The following STX18 variants were observed in gnomAD, a reference collection of about 807,000 sequenced individuals.
STX18 encodes the protein syntaxin 18, also known as syntaxin-18.
In STX18, 40 loss-of-function variants were observed where a neutral mutation model predicts 50.1. That is an observed-to-expected ratio of 0.80 (90% CI 0.62 to 1.04). The LOEUF is 1.04. STX18 is among the 50% of genes least tolerant of loss of function. The probability of loss-of-function intolerance (pLI) is 0.00; values close to 1 mark genes in which losing one functional copy is unlikely to be tolerated. For synonymous variants in STX18, 158 were observed against 151.8 expected (o/e 1.04, Z -0.30); for missense variants, 410 against 415.8 (o/e 0.99, Z 0.12).
chr4:4,479,811 A>G (rs1030232272), intron 1 of STX18, among the ~76,000 whole-genome samples: 27 of 152,326 alleles, frequency 1.8e-4, no homozygotes, highest in South Asian at 6.2e-4. Context: ...ACTCTCTTAC[A>G]TTATCTGCTC....
chr4:4,493,377 C>T (rs1041570165), intron 1 of STX18, among the ~76,000 whole-genome samples: 4 of 147,962 alleles, frequency 2.7e-5, no homozygotes, highest in Admixed American at 1.4e-4. Flanking sequence ...TCGTGGTACA[C>T]GTAATGAGTT....
At chr4:4,501,425 CA>C (rs1729455914) in intron 1 of STX18, among the ~76,000 whole-genome samples, 1 of 152,144 alleles carries the variant, frequency 6.6e-6, no homozygotes, top group African/African-American at 2.4e-5. Context: ...AAACAGTAAA[CA>C]ACATGATTAT....
intron 1 of STX18, among the ~76,000 whole-genome samples, chr4:4,501,247 A>C (rs1198620381): frequency 6.6e-6 from 1 of 152,124 alleles, no homozygotes; most frequent in Non-Finnish European, 1.5e-5. Context: ...AGGAGTTACA[A>C]AGTTAAAAGT....
intron 1 of STX18, among the ~76,000 whole-genome samples, chr4:4,485,936 G>GA (rs1168072936): frequency 1.3e-5 from 2 of 152,152 alleles, no homozygotes; most frequent in African/African-American, 4.8e-5. Context: ...GCTTATACTA[G>GA]AATTCCATGA....
intron 1 of STX18, among the ~76,000 whole-genome samples, chr4:4,527,867 C>CACACAT (rs372566368): frequency 8.0e-5 from 11 of 137,208 alleles, no homozygotes; most frequent in African/African-American, 2.6e-4. Context: ...CACACACACA[C>CACACAT]ATATATATAT....
chr4:4,448,256 G>T (rs1271988018), intron 5 of STX18, among the ~76,000 whole-genome samples: 1 of 152,164 alleles, frequency 6.6e-6, no homozygotes, highest in Admixed American at 6.5e-5. Context: ...CCTTGAAAAA[G>T]ACACATTTAC....
chr4:4,498,266 CA>C (rs1577376595), intron 1 of STX18, among the ~76,000 whole-genome samples: 2 of 151,682 alleles, frequency 1.3e-5, no homozygotes, highest in East Asian at 3.8e-4. Flanking sequence ...GCACTCCCAG[CA>C]AAAAGAAGCA....
intron 1 of STX18, among the ~76,000 whole-genome samples, chr4:4,483,497 C>A (rs1728555504): frequency 6.6e-6 from 1 of 152,226 alleles, no homozygotes; most frequent in Non-Finnish European, 1.5e-5. Flanking sequence ...TAAACATCTT[C>A]ATTCCCATTC....
chr4:4,523,782 C>T (rs6817718), intron 1 of STX18, among the ~76,000 whole-genome samples: 28,506 of 152,124 alleles, frequency 0.19, 2,781 homozygotes, highest in African/African-American at 0.24. Flanking sequence ...AATGATCTTT[C>T]TCAAATACAT....
chr4:4,466,372 G>C (rs1727622528), intron 2 of STX18, among the ~76,000 whole-genome samples: 1 of 152,194 alleles, frequency 6.6e-6, no homozygotes, highest in African/African-American at 2.4e-5. Flanking sequence ...AAAGGGGTAG[G>C]ATGGAAAAGT....
chr4:4,542,292 G>C (rs145675670), upstream of STX18: 45 of 240,872 alleles, frequency 1.9e-4, no homozygotes, highest in Middle Eastern at 5.1e-3. Flanking sequence ...CCGGGAGCGT[G>C]AGGACCGGGA....
At chr4:4,476,153 G>GA (rs1270377179) in intron 1 of STX18, 11 of 152,136 alleles carry the variant, frequency 7.2e-5, no homozygotes, top group African/African-American at 2.7e-4. Flanking sequence ...GTCTATCATG[G>GA]AAAAGAGTTT....
At chr4:4,491,983 T>C (rs1173992372) in intron 1 of STX18, among the ~76,000 whole-genome samples, 1 of 152,178 alleles carries the variant, frequency 6.6e-6, no homozygotes, top group East Asian at 1.9e-4. Flanking sequence ...TGAGGTCTAT[T>C]TCCTGTAATT....
chr4:4,528,807 G>A (rs1730938369), intron 1 of STX18, among the ~76,000 whole-genome samples: 1 of 152,130 alleles, frequency 6.6e-6, no homozygotes, highest in Non-Finnish European at 1.5e-5. Context: ...CCAATGCAGT[G>A]GTTAAAAAGC....
At chr4:4,476,998 AAGACC>A (rs1428468655) in intron 1 of STX18, among the ~76,000 whole-genome samples, 3 of 152,084 alleles carry the variant, frequency 2.0e-5, no homozygotes, top group African/African-American at 4.8e-5. Flanking sequence ...TCAGGAGTTC[AAGACC>A]AGACTGGCCA....
intron 1 of STX18, among the ~76,000 whole-genome samples, chr4:4,503,091 G>A (rs112213594): frequency 1.3e-5 from 2 of 152,242 alleles, no homozygotes; most frequent in African/African-American, 2.4e-5. Context: ...CTGAGTTGTC[G>A]TCTGGCAGGT....
intron 1 of STX18, among the ~76,000 whole-genome samples, chr4:4,524,011 A>T (rs770115718): frequency 1.4e-4 from 21 of 152,134 alleles, no homozygotes; most frequent in Non-Finnish European, 2.6e-4. Context: ...ACTTATTAGA[A>T]CATGCTTTAG....
intron 2 of STX18, among the ~76,000 whole-genome samples, chr4:4,464,279 C>A (rs1270847477): frequency 6.6e-6 from 1 of 152,150 alleles, no homozygotes; most frequent in East Asian, 1.9e-4. Flanking sequence ...CACCTGTACT[C>A]CCACTGTCTA....
At chr4:4,467,912 A>G (rs1175726609) in intron 2 of STX18, among the ~76,000 whole-genome samples, 2 of 152,148 alleles carry the variant, frequency 1.3e-5, no homozygotes, top group Non-Finnish European at 2.9e-5. Context: ...AAATACTGTA[A>G]TGGAAGTCAA....
Sources: gnomAD v4.1 joint callset for allele counts (sites outside exome capture counted in the v4.1 genomes callset) on GRCh38, gnomAD v4.1.1 for gene constraint, MANE v1.5 for transcripts, NCBI Gene and HGNC (gene_info 2026-07-23, HGNC 2026-07-21) for gene names.